Variants in CAMTA1 observed in about 807,000 individuals in gnomAD.
The protein encoded by CAMTA1 is calmodulin binding transcription activator 1.
In CAMTA1, 27 loss-of-function variants were observed where a neutral mutation model predicts 170.9. The observed-to-expected ratio is 0.16, with a 90% CI of 0.12 to 0.22. CAMTA1 has a LOEUF of 0.22. CAMTA1 is among the 10% of genes least tolerant of loss of function. The pLI is 1.00. For missense variants in CAMTA1, 1,619 were observed against 2,217.2 expected, an observed-to-expected ratio of 0.73 and a Z score of 5.42; for synonymous variants, 833 against 891.5, an observed-to-expected ratio of 0.93 and a Z score of 1.17.
Position 7,664,353 on chromosome 1 carries a change from G to A in CAMTA1, c.1806G>A (p.Thr602=), listed in dbSNP as rs6662340. 3,307 of 1,613,608 alleles carry A rather than the reference G, an allele frequency of 2.0e-3. 69 individuals are homozygous for A. In the African/African-American group the frequency reaches 0.037, roughly 18 times the overall value. Residue 602 remains threonine, a synonymous_variant, in exon 9 of 23, where the codon ACG becomes ACA. Transcript: ENST00000303635. ...ACTACACGTCCAGCTTCAGCCAGAC[G>A]GGCCACAGCCCCCACATCCACCAGA... The part of the protein sequence containing the change: ...NKDYTSSFSQ[T]GHSPHIHQTP...
chr1:7,060,604 G>A (rs1708056850), intron 3 of CAMTA1, among the ~76,000 whole-genome samples: 1 of 152,182 alleles, frequency 6.6e-6, no homozygotes, highest in Non-Finnish European at 1.5e-5. Context: ...TTTTCTGCCT[G>A]TACACGTGTC....
At position 7,482,147 on chromosome 1, in the gene CAMTA1, A is replaced by G. The variant is rs1025419848; in HGVS notation, c.510+14246A>G. ...GTATTTTGCCATTCATCATGTTGCT[A>G]CTGCCTACTGTGTTATTTATGCCTT... On this transcript the variant is annotated intron_variant, in intron 6 of 22. Transcript: ENST00000303635. The surrounding 1 kb of genome is among the most constrained non-coding windows in gnomAD (Gnocchi z 4.2). Among the ~76,000 whole-genome samples, 1 of 152,114 alleles carries G rather than the reference A, an allele frequency of 6.6e-6. No individual in the cohort carries two copies. The highest frequency in any genetic ancestry group is 2.4e-5 in the African/African-American group (1 of 41,420).
intron 11 of CAMTA1, among the ~76,000 whole-genome samples, chr1:7,695,368 A>G (rs967837994): frequency 6.6e-6 from 1 of 152,228 alleles, no homozygotes; most frequent in African/African-American, 2.4e-5. Context: ...ACTCAAAGAC[A>G]TCATTCCTCC....
At chr1:7,581,433 C>G (rs1482144440) in intron 6 of CAMTA1, among the ~76,000 whole-genome samples, 1 of 152,220 alleles carries the variant, frequency 6.6e-6, no homozygotes, top group Non-Finnish European at 1.5e-5. Context: ...CCCACACACT[C>G]GAATTGAAAA....
intron 4 of CAMTA1, among the ~76,000 whole-genome samples, chr1:7,110,976 G>A (rs1346862842): frequency 2.0e-5 from 3 of 152,240 alleles, no homozygotes; most frequent in Non-Finnish European, 4.4e-5. Flanking sequence ...AAATTAAGGT[G>A]TCAGAAGGGC....
At chr1:7,498,173 T>G (rs746270018) in intron 6 of CAMTA1, among the ~76,000 whole-genome samples, 16 of 125,886 alleles carry the variant, frequency 1.3e-4, no homozygotes, top group Non-Finnish European at 2.5e-4. Context: ...TGTGTGTGCA[T>G]GTGTGTGTAT....
At chr1:6,944,636 G>C (rs967640272) in intron 3 of CAMTA1, among the ~76,000 whole-genome samples, 1 of 151,998 alleles carries the variant, frequency 6.6e-6, no homozygotes, top group South Asian at 2.1e-4. Flanking sequence ...CACCTGCCCC[G>C]GTCTCCCTGT....
At position 7,114,474 on chromosome 1, in the gene CAMTA1, A is replaced by G. The variant is rs147412754; in HGVS notation, c.302+23103A>G. 1.2e-3 allele frequency among the ~76,000 whole-genome samples: 179 copies of G among 152,274 alleles called. 2 individuals are homozygous for G. The highest frequency in any genetic ancestry group is 4.2e-3 in the African/African-American group (173 of 41,558). ...AAAAACAAAAAAAAGAGAATCACAA[A>G]AAAACTCATAATGTTTTAAGAAAGT... is the stretch of plus-strand genomic sequence containing the variant. On this transcript the variant is annotated intron_variant, in intron 4 of 22. Transcript: ENST00000303635.
intron 3 of CAMTA1, among the ~76,000 whole-genome samples, chr1:6,893,455 T>C (rs1674984786): frequency 6.6e-6 from 1 of 152,172 alleles, no homozygotes; most frequent in Non-Finnish European, 1.5e-5. Flanking sequence ...TTGGTTGCCC[T>C]CTTCAGTTGT....
At chr1:7,269,356 A>G (rs1351049479) in intron 5 of CAMTA1, among the ~76,000 whole-genome samples, 1 of 152,260 alleles carries the variant, frequency 6.6e-6, no homozygotes, top group Non-Finnish European at 1.5e-5. Context: ...AGGTTGCTTC[A>G]TCAAAGAGTG....
At chr1:7,179,458 C>T (rs1298577526) in intron 4 of CAMTA1, among the ~76,000 whole-genome samples, 1 of 152,162 alleles carries the variant, frequency 6.6e-6, no homozygotes, top group African/African-American at 2.4e-5. Flanking sequence ...AATATACTTT[C>T]TTCTCAGGTA....
intron 4 of CAMTA1, among the ~76,000 whole-genome samples, chr1:7,246,657 C>T (rs1665837505): frequency 6.7e-6 from 1 of 149,602 alleles, no homozygotes; most frequent in South Asian, 2.1e-4. Flanking sequence ...CCCTTCCCAC[C>T]AGCTCTGACC....
intron 3 of CAMTA1, among the ~76,000 whole-genome samples, chr1:7,087,707 A>G (rs1289951162): frequency 6.6e-6 from 1 of 152,182 alleles, no homozygotes; most frequent in African/African-American, 2.4e-5. Context: ...TAAAGTGGCC[A>G]TGGTTCCTAT....
At chr1:7,477,217 A>AG (rs2093434914) in intron 6 of CAMTA1, among the ~76,000 whole-genome samples, 1 of 152,248 alleles carries the variant, frequency 6.6e-6, no homozygotes, top group Non-Finnish European at 1.5e-5. Flanking sequence ...CCGCCTCGAA[A>AG]GCTTCATCTG....
chr1:7,525,098 A>G (rs534463322), intron 6 of CAMTA1, among the ~76,000 whole-genome samples: 4 of 152,298 alleles, frequency 2.6e-5, no homozygotes, highest in African/African-American at 7.2e-5. Flanking sequence ...GTCGCGCTGC[A>G]TGAGACTTGC....
rs1272404097 is a variant in CAMTA1, at chr1:6,934,374, C to T, written c.234+109164C>T. 1.3e-5 allele frequency among the ~76,000 whole-genome samples: 2 copies of T among 152,196 alleles called. No individual in the cohort carries two copies. Among genetic ancestry groups the T allele is most frequent in the African/African-American group, 4.8e-5 (2 of 41,452 alleles). On this transcript the variant is annotated intron_variant, in intron 3 of 22. Transcript: ENST00000303635. This position sits in a 1 kb window ranked among gnomAD's most constrained non-coding sequence, Gnocchi z 4.5. Reference sequence around the variant, plus strand: ...TTGTAAAAGAGGCACACACAGCCCTCCTGCTGTAATCTGCCCCATGTCACC... The same window carrying T: ...TTGTAAAAGAGGCACACACAGCCCTTCTGCTGTAATCTGCCCCATGTCACC...
intron 6 of CAMTA1, among the ~76,000 whole-genome samples, chr1:7,573,070 AG>A (rs1222176637): frequency 1.3e-5 from 2 of 152,228 alleles, no homozygotes; most frequent in Non-Finnish European, 2.9e-5. Flanking sequence ...CTGGTTCAGA[AG>A]GGTTTACTCC....
chr1:6,828,000 T>C (rs1647788670), intron 3 of CAMTA1, among the ~76,000 whole-genome samples: 1 of 152,072 alleles, frequency 6.6e-6, no homozygotes, highest in South Asian at 2.1e-4. Context: ...CACAGTAGAT[T>C]TGTGTTTTCC....
chr1:7,018,777 C>A (rs1700945801), intron 3 of CAMTA1, among the ~76,000 whole-genome samples: 2 of 152,152 alleles, frequency 1.3e-5, no homozygotes, highest in African/African-American at 4.8e-5. Context: ...TTCCTGGAGT[C>A]ATTTCTTGGT....
Sources: gnomAD v4.1 joint callset for allele counts (sites outside exome capture counted in the v4.1 genomes callset) on GRCh38, gnomAD v4.1.1 for gene constraint, Gnocchi (gnomAD v3.1) non-coding constraint, MANE v1.5 for transcripts, NCBI Gene and HGNC (gene_info 2026-07-23, HGNC 2026-07-21) for gene names.